PPM1A: variants seen among roughly 807,000 people sequenced by gnomAD.
The protein encoded by PPM1A is protein phosphatase, Mg2+/Mn2+ dependent 1A, also known as protein phosphatase 1A.
In PPM1A, 7 loss-of-function variants were observed where a neutral mutation model predicts 35.0. The ratio of observed to expected loss-of-function variants is 0.20; its 90% confidence interval spans 0.11 to 0.38. PPM1A has a LOEUF of 0.38. PPM1A is among the 10% of genes least tolerant of loss of function. The probability of loss-of-function intolerance (pLI) is 1.00; values close to 1 mark genes in which losing one functional copy is unlikely to be tolerated. For missense variants in PPM1A, 239 were observed against 467.8 expected, an observed-to-expected ratio of 0.51 and a Z score of 4.51; for synonymous variants, 153 against 167.3, an observed-to-expected ratio of 0.91 and a Z score of 0.66.
chr14:60,249,301 C>T lies in PPM1A; in HGVS notation c.-397C>T. On this transcript the variant is annotated 5_prime_UTR_variant, in exon 1 of 6. Coordinates refer to ENST00000395076, the MANE Select transcript of PPM1A (RefSeq NM_021003.5). This position sits in a 1 kb window ranked among gnomAD's most constrained non-coding sequence, Gnocchi z 4.5. ...AGAGAGCAGTGGTCTCGGCGCTCGT[C>T]CGGCCCGCAGCTTCGGGTCCTCAGG... 1.0e-6 allele frequency: 1 copy of T among 977,958 alleles called. No individual in the cohort carries two copies. Among genetic ancestry groups the T allele is most frequent in the African/African-American group, 1.8e-5 (1 of 54,974 alleles). 60.6% of individuals were successfully genotyped at this position (977,958 alleles called of 1,614,324 possible). A position where few individuals can be genotyped will look rare whatever the true frequency, so the allele number is the denominator to read the frequency against.
At chr14:60,246,094 C>G, upstream of PPM1A, 1 of 1,501,034 alleles carries the variant, frequency 6.7e-7, no homozygotes, top group Non-Finnish European at 8.9e-7. Flanking sequence ...GGTTGGCTTT[C>G]TAACTCTTGA....
At chr14:60,291,858 C>G (rs1230362945) in intron 5 of PPM1A, among the ~76,000 whole-genome samples, 1 of 149,896 alleles carries the variant, frequency 6.7e-6, no homozygotes, top group African/African-American at 2.5e-5. Context: ...TCTGTCTCAA[C>G]TAAATAGTTC....
Position 60,297,671 on chromosome 14 carries a change from A to G in PPM1A, c.*5189A>G, listed in dbSNP as rs1416301147. ...CATTTGTATGGTACTATCTAAAGTA[A>G]GTTAGATTGATGTAAGAGATCGGGT... is the stretch of plus-strand genomic sequence containing the variant. On this transcript the variant is annotated 3_prime_UTR_variant, in exon 6 of 6. Coordinates refer to ENST00000395076, the MANE Select transcript of PPM1A (RefSeq NM_021003.5). 1 of 151,716 alleles carries G rather than the reference A, an allele frequency of 6.6e-6. No homozygotes were observed. The allele number at this position is 151,716 out of a possible 1,614,324, so 9.4% of individuals were successfully genotyped here.
At chr14:60,269,302 A>G (rs533712120) in intron 1 of PPM1A, among the ~76,000 whole-genome samples, 47 of 152,276 alleles carry the variant, frequency 3.1e-4, no homozygotes, top group African/African-American at 1.0e-3. Flanking sequence ...CTATCTTTAA[A>G]TAGTTTATTT....
At position 60,273,906 on chromosome 14, in the gene PPM1A, A is replaced by G. The variant is rs891663706; in HGVS notation, c.-20-8778A>G. Reference sequence around the variant, plus strand: ...GGTCTTGAACTCCTGGATTCAAGCAATCTTACCGCCCCAGCCTCCAAGCAG... The same window carrying G: ...GGTCTTGAACTCCTGGATTCAAGCAGTCTTACCGCCCCAGCCTCCAAGCAG... On this transcript the variant is annotated intron_variant, in intron 1 of 5. Coordinates refer to ENST00000395076, the MANE Select transcript of PPM1A (RefSeq NM_021003.5). This position sits in a 1 kb window ranked among gnomAD's most constrained non-coding sequence, Gnocchi z 4.3. Among the ~76,000 whole-genome samples, 2 of 152,120 alleles carry G rather than the reference A, an allele frequency of 1.3e-5. No individual in the cohort carries two copies. Among genetic ancestry groups the G allele is most frequent in the Non-Finnish European group, 2.9e-5 (2 of 68,024 alleles).
In PPM1A at chr14:60,249,694, G is replaced by C; in HGVS notation, c.-21+17G>C. Reference sequence around the variant, plus strand: ...CTGCTCCGGGTAAGTGCGGCGCTCGGGCCGACGGCGGGCTGGCGGGCGGTG... The same window carrying C: ...CTGCTCCGGGTAAGTGCGGCGCTCGCGCCGACGGCGGGCTGGCGGGCGGTG... On this transcript the variant is annotated intron_variant, in intron 1 of 5. Coordinates refer to ENST00000395076, the MANE Select transcript of PPM1A (RefSeq NM_021003.5). The surrounding 1 kb of genome is among the most constrained non-coding windows in gnomAD (Gnocchi z 4.5). The C allele has an allele frequency of 1.0e-6, 1 of 983,836 alleles. No homozygotes were observed. Among genetic ancestry groups the C allele is most frequent in the Non-Finnish European group, 1.2e-6 (1 of 829,318 alleles). The allele number at this position is 983,836 out of a possible 1,614,324, so 60.9% of individuals were successfully genotyped here. A position where few individuals can be genotyped will look rare whatever the true frequency, so the allele number is the denominator to read the frequency against.
In PPM1A at chr14:60,289,757, T is replaced by C; in HGVS notation, c.953-49T>C. On this transcript the variant is annotated intron_variant, in intron 3 of 5. Transcript: ENST00000395076. The surrounding 1 kb of genome is among the most constrained non-coding windows in gnomAD (Gnocchi z 4.1). ...GGTTATCTTTGTTTCGGTTTTCTTT[T>C]CAATTAAATTTGGATAACACTTACA... is the stretch of plus-strand genomic sequence containing the variant. 1 of 1,256,022 alleles carries C rather than the reference T, an allele frequency of 8.0e-7. No homozygotes were observed. The highest frequency in any genetic ancestry group is 1.1e-6 in the Non-Finnish European group (1 of 871,234). The allele number at this position is 1,256,022 out of a possible 1,614,324, so 77.8% of individuals were successfully genotyped here. A position where few individuals can be genotyped will look rare whatever the true frequency, so the allele number is the denominator to read the frequency against.
At chr14:60,250,351 G>T (rs1882237759) in intron 1 of PPM1A, 1 of 827,438 alleles carries the variant, frequency 1.2e-6, no homozygotes, top group African/African-American at 1.8e-5. Context: ...TTAGAGCTTG[G>T]TTGAGGTATG....
At chr14:60,253,490 T>C (rs182052466) in intron 1 of PPM1A, among the ~76,000 whole-genome samples, 18 of 152,246 alleles carry the variant, frequency 1.2e-4, no homozygotes, top group Admixed American at 1.2e-3. Flanking sequence ...ACTGAGTGGA[T>C]TTTTCCCAAT....
chr14:60,281,813 C>A (rs1022306288), intron 1 of PPM1A, among the ~76,000 whole-genome samples: 1 of 152,150 alleles, frequency 6.6e-6, no homozygotes, highest in African/African-American at 2.4e-5. Context: ...GCAGGGCTGT[C>A]ACTAGACCCT....
chr14:60,245,909 G>C, upstream of PPM1A: 1 of 1,588,034 alleles, frequency 6.3e-7, no homozygotes. The surrounding 1 kb of genome is among the most constrained non-coding windows in gnomAD (Gnocchi z 4.2). Flanking sequence ...CTAATGAAAA[G>C]AGAGAAAAGA....
At chr14:60,279,810 A>C (rs1478321653) in intron 1 of PPM1A, among the ~76,000 whole-genome samples, 1 of 152,214 alleles carries the variant, frequency 6.6e-6, no homozygotes, top group Non-Finnish European at 1.5e-5. Flanking sequence ...ATTTAATGGT[A>C]ATCAGAGCTG....
At chr14:60,250,408 G>C in intron 1 of PPM1A, 4 of 984,840 alleles carry the variant, frequency 4.1e-6, no homozygotes, top group Non-Finnish European at 4.8e-6. Flanking sequence ...GCCTTTTCTT[G>C]AAAGACAGCT....
At chr14:60,259,510 T>C (rs2139370115) in intron 1 of PPM1A, among the ~76,000 whole-genome samples, 1 of 152,156 alleles carries the variant, frequency 6.6e-6, no homozygotes, top group Admixed American at 6.5e-5. Flanking sequence ...AATCCTCAAA[T>C]ATGCGGCGAT....
chr14:60,268,054 T>TC (rs1392740882), intron 1 of PPM1A, among the ~76,000 whole-genome samples: 1 of 152,116 alleles, frequency 6.6e-6, no homozygotes, highest in Non-Finnish European at 1.5e-5. Context: ...TAATATACAA[T>TC]CCATAGTCAG....
intron 1 of PPM1A, chr14:60,277,027 A>G (rs1885846025): frequency 1.7e-6 from 2 of 1,193,178 alleles, no homozygotes; most frequent in Admixed American, 2.9e-5. Flanking sequence ...AAAAGTTCAG[A>G]TCAACTGATA....
chr14:60,270,337 A>T (rs1884935400), intron 1 of PPM1A, among the ~76,000 whole-genome samples: 1 of 151,880 alleles, frequency 6.6e-6, no homozygotes, highest in Non-Finnish European at 1.5e-5. Flanking sequence ...GTTTTTTAAA[A>T]TTTTCTTATA....
chr14:60,260,565 A>G (rs1883635416), intron 1 of PPM1A, among the ~76,000 whole-genome samples: 1 of 152,102 alleles, frequency 6.6e-6, no homozygotes, highest in Non-Finnish European at 1.5e-5. Context: ...TCACCCATTT[A>G]AAGTTTACAG....
At chr14:60,281,001 G>C (rs113776601) in intron 1 of PPM1A, among the ~76,000 whole-genome samples, 4,028 of 151,962 alleles carry the variant, frequency 0.027, 160 homozygotes, top group African/African-American at 0.091. Flanking sequence ...CTTTAATCTT[G>C]GCTAAGGTTC....
Sources: gnomAD v4.1 joint callset for allele counts (sites outside exome capture counted in the v4.1 genomes callset) on GRCh38, gnomAD v4.1.1 for gene constraint, Gnocchi (gnomAD v3.1) non-coding constraint, MANE v1.5 for transcripts, NCBI Gene and HGNC (gene_info 2026-07-23, HGNC 2026-07-21) for gene names.